Variants in ZHX1 observed in about 807,000 individuals in gnomAD.
ZHX1 encodes the protein zinc fingers and homeoboxes protein 1.
Under a neutral mutation model 61.8 loss-of-function variants are expected in ZHX1, and 20 were observed. The observed-to-expected ratio is 0.32, with a 90% CI of 0.23 to 0.47. ZHX1 has a LOEUF of 0.47. Among genes scored for constraint, ZHX1 ranks in the 20% least tolerant of loss-of-function variants. ZHX1 has a pLI of 1.00. For synonymous variants in ZHX1, 318 were observed against 352.6 expected (o/e 0.90, Z 1.10); for missense variants, 800 against 1,034.8 (o/e 0.77, Z 3.11).
rs10505432 is a variant in ZHX1, at chr8:123,249,472, T to C, written c.*852A>G. ...GTATAAACATTTCTGATTTCCACGA[T>C]TGTAAGAAAACACTAAGTATACATT... On this transcript the variant is annotated 3_prime_UTR_variant, in exon 4 of 4. Coordinates refer to ENST00000395571, the MANE Select transcript of ZHX1 (RefSeq NM_007222.5). 35 of 152,322 alleles carry C rather than the reference T, an allele frequency of 2.3e-4. No individual in the cohort carries two copies. Among genetic ancestry groups the C allele is most frequent in the African/African-American group, 7.5e-4 (31 of 41,592 alleles). 9.4% of individuals were successfully genotyped at this position (152,322 alleles called of 1,614,324 possible). A position where few individuals can be genotyped will look rare whatever the true frequency, so the allele number is the denominator to read the frequency against.
intron 2 of ZHX1, among the ~76,000 whole-genome samples, chr8:123,259,306 A>G (rs1826171783): frequency 6.6e-6 from 1 of 152,242 alleles, no homozygotes; most frequent in South Asian, 2.1e-4. Flanking sequence ...TTATAAAGAA[A>G]TCACTGATAT....
intron 2 of ZHX1, among the ~76,000 whole-genome samples, chr8:123,258,866 C>T (rs544699742): frequency 2.7e-4 from 41 of 152,140 alleles, no homozygotes; most frequent in South Asian, 1.9e-3. Context: ...CAACTGAAAA[C>T]GAATAAAATG....
At chr8:123,252,421 C>A (rs191737934) in intron 3 of ZHX1, 5 of 152,114 alleles carry the variant, frequency 3.3e-5, no homozygotes, top group Admixed American at 1.3e-4. Flanking sequence ...AAGGAACATG[C>A]CAAAACCTTT....
intron 3 of ZHX1, chr8:123,253,053 T>A: frequency 3.1e-6 from 1 of 321,472 alleles, no homozygotes; most frequent in Non-Finnish European, 5.6e-6. Context: ...TTCATAGAGA[T>A]TGGGTAACTT....
chr8:123,253,491 G>A lies in ZHX1; in HGVS notation c.2456C>T (p.Ala819Val). The change falls in exon 3 of 4, where the codon GCA becomes GTA. Residue 819 changes from alanine to valine, a missense_variant. By Grantham distance (64) the Ala-to-Val change is moderately conservative. Coordinates refer to ENST00000395571, the MANE Select transcript of ZHX1 (RefSeq NM_007222.5). ...MGYEQVREWF[A>V]ERQRRSELGI... is the part of the protein sequence containing the mutation. ...TAATTCTGATCTTCTCTGTCTTTCT[G>A]CAAACCACTCTCTGACCTGCTCATA... The A allele has an allele frequency of 6.2e-7, 1 of 1,613,950 alleles. No homozygotes were observed. The highest frequency in any genetic ancestry group is 2.2e-5 in the East Asian group (1 of 44,872).
intron 2 of ZHX1, among the ~76,000 whole-genome samples, chr8:123,263,228 G>A (rs1280567746): frequency 6.6e-6 from 1 of 152,008 alleles, no homozygotes; most frequent in East Asian, 1.9e-4. Context: ...TCTCCAGGGT[G>A]TAGATCTAGA....
intron 1 of ZHX1, among the ~76,000 whole-genome samples, chr8:123,268,409 A>C (rs1826536450): frequency 6.6e-6 from 1 of 152,250 alleles, no homozygotes; most frequent in South Asian, 2.1e-4. Context: ...AGTTAAACCC[A>C]TCAGAAAAGT....
chr8:123,260,173 G>T (rs535944523), intron 2 of ZHX1, among the ~76,000 whole-genome samples: 4 of 151,002 alleles, frequency 2.6e-5, no homozygotes, highest in Admixed American at 6.6e-5. Flanking sequence ...AAGAAAAAAA[G>T]AAAGAAAAGA....
At chr8:123,259,874 C>T (rs1826192411) in intron 2 of ZHX1, among the ~76,000 whole-genome samples, 1 of 152,060 alleles carries the variant, frequency 6.6e-6, no homozygotes, top group Admixed American at 6.5e-5. Flanking sequence ...AAAGAGAAGC[C>T]ATCGGCCAGG....
At chr8:123,271,009 T>C (rs964780678) in intron 1 of ZHX1, among the ~76,000 whole-genome samples, 2 of 152,158 alleles carry the variant, frequency 1.3e-5, no homozygotes, top group African/African-American at 4.8e-5. Flanking sequence ...TATTAATATT[T>C]ACTTTAAGAA....
chr8:123,264,924 C>T (rs1182939187), intron 2 of ZHX1, among the ~76,000 whole-genome samples: 1 of 150,300 alleles, frequency 6.7e-6, no homozygotes, highest in Non-Finnish European at 1.5e-5. Flanking sequence ...TGAGGTGGCT[C>T]ACGCATGTAA....
In ZHX1 at chr8:123,259,971, C is replaced by G. The variant is rs1045906185; in HGVS notation, c.-225-3800G>C. Reference sequence around the variant, plus strand: ...TCAGGAGATCAACCATCCTAGCCAACAGTGAAACCCCGTCTCTACTAAAAA... The same window carrying G: ...TCAGGAGATCAACCATCCTAGCCAAGAGTGAAACCCCGTCTCTACTAAAAA... On this transcript the variant is annotated intron_variant, in intron 2 of 3. Coordinates refer to ENST00000395571, the MANE Select transcript of ZHX1 (RefSeq NM_007222.5). 3.3e-5 allele frequency among the ~76,000 whole-genome samples: 5 copies of G among 152,014 alleles called. No homozygotes were observed. In the East Asian group the frequency reaches 9.7e-4, roughly 29 times the overall value.
At chr8:123,272,857 T>C (rs934466959) in intron 1 of ZHX1, among the ~76,000 whole-genome samples, 1 of 152,252 alleles carries the variant, frequency 6.6e-6, no homozygotes, top group African/African-American at 2.4e-5. Flanking sequence ...TTTTCCTTTT[T>C]CTGCTATCAC....
rs1826397335 is a variant in ZHX1 at position 123,264,775 on chromosome 8, G to A, written c.-226+2498C>T. Among the ~76,000 whole-genome samples the A allele has an allele frequency of 3.3e-5, 5 of 150,612 alleles. No individual in the cohort carries two copies. In the South Asian group the frequency reaches 1.1e-3, roughly 32 times the overall value. On this transcript the variant is annotated intron_variant, in intron 2 of 3. Transcript: ENST00000395571. ...GGGGTTTCACCATCTTGTCCAGGCTGGTCTTGAACTCCTGACATCATAATC... is the reference window on the plus strand; with the variant it reads ...GGGGTTTCACCATCTTGTCCAGGCTAGTCTTGAACTCCTGACATCATAATC...
rs1281701324 is a variant in ZHX1, at chr8:123,249,569, GTCAGTTTCTTTTCCT to G, written c.*740_*754del. Reference sequence around the variant, plus strand: ...AGCTTCACCCTATCCAAATTACCATGTCAGTTTCTTTTCCTTCTTCAGAATTAATTTCCTGCAGTT... The same window carrying G: ...AGCTTCACCCTATCCAAATTACCATGTCTTCAGAATTAATTTCCTGCAGTT... On this transcript the variant is annotated 3_prime_UTR_variant, in exon 4 of 4. Coordinates refer to ENST00000395571, the MANE Select transcript of ZHX1 (RefSeq NM_007222.5). The G allele has an allele frequency of 3.9e-5, 6 of 152,012 alleles. No individual in the cohort carries two copies. Among genetic ancestry groups the G allele is most frequent in the Admixed American group, 2.0e-4 (3 of 15,268 alleles). 9.4% of individuals were successfully genotyped at this position (152,012 alleles called of 1,614,324 possible). A position where few individuals can be genotyped will look rare whatever the true frequency, so the allele number is the denominator to read the frequency against.
chr8:123,252,044 A>G (rs1426915316), intron 3 of ZHX1, among the ~76,000 whole-genome samples: 1 of 152,228 alleles, frequency 6.6e-6, no homozygotes, highest in Non-Finnish European at 1.5e-5. Context: ...AACAGAGCAT[A>G]AAAGTAGGGG....
At chr8:123,273,145 C>T (rs978479370) in intron 1 of ZHX1, among the ~76,000 whole-genome samples, 2 of 152,156 alleles carry the variant, frequency 1.3e-5, no homozygotes, top group Admixed American at 6.5e-5. Flanking sequence ...CTTCACTAAC[C>T]TAAGCTAAGG....
intron 1 of ZHX1, among the ~76,000 whole-genome samples, chr8:123,268,882 C>CTATTTATTT (rs1826552346): frequency 6.6e-6 from 1 of 151,996 alleles, no homozygotes. Flanking sequence ...TTTTTTATTC[C>CTATTTATTT]TGCTACTATT....
chr8:123,260,327 G>A (rs930333051), intron 2 of ZHX1, among the ~76,000 whole-genome samples: 2 of 151,880 alleles, frequency 1.3e-5, no homozygotes, highest in East Asian at 1.9e-4. Flanking sequence ...TAAACATATC[G>A]GCTGGGTGCG....
Sources: allele counts gnomAD v4.1 joint callset (sites outside exome capture counted in the v4.1 genomes callset), GRCh38; gene constraint gnomAD v4.1.1; transcripts MANE v1.5; gene names NCBI Gene and HGNC (gene_info 2026-07-23, HGNC 2026-07-21).